DLC1: variants seen among roughly 807,000 people sequenced by gnomAD.
The protein encoded by DLC1 is DLC1 Rho GTPase activating protein, also known as rho GTPase-activating protein 7.
In DLC1, 54 loss-of-function variants were observed where a neutral mutation model predicts 140.3. That is an observed-to-expected ratio of 0.38 (90% confidence interval 0.31 to 0.48). DLC1 has a LOEUF of 0.48. Among genes scored for constraint, DLC1 ranks in the 20% least tolerant of loss-of-function variants. The probability of loss-of-function intolerance (pLI) is 0.96; values close to 1 mark genes in which losing one functional copy is unlikely to be tolerated. For missense variants in DLC1, 2,536 were observed against 1,907.0 expected (o/e 1.33, Z -6.14); for synonymous variants, 986 against 728.1 (o/e 1.35, Z -5.70).
intron 4 of DLC1, among the ~76,000 whole-genome samples, chr8:13,312,676 C>T (rs950294723): frequency 6.6e-6 from 1 of 151,970 alleles, no homozygotes; most frequent in Non-Finnish European, 1.5e-5. Context: ...TATTTAAGTA[C>T]TGCATATTAA....
chr8:13,570,983 T>C (rs1472974054), intron 1 of DLC1, among the ~76,000 whole-genome samples: 1 of 152,176 alleles, frequency 6.6e-6, no homozygotes, highest in Non-Finnish European at 1.5e-5. Context: ...AGGAGAGAAC[T>C]CACGGAATCA....
chr8:13,307,653 G>A (rs895636165), intron 4 of DLC1, among the ~76,000 whole-genome samples: 11 of 152,288 alleles, frequency 7.2e-5, no homozygotes, highest in African/African-American at 2.2e-4. Flanking sequence ...GTTGGTGACA[G>A]GTAATTAAAG....
At chr8:13,325,098 A>T (rs974565348) in intron 4 of DLC1, among the ~76,000 whole-genome samples, 6 of 152,216 alleles carry the variant, frequency 3.9e-5, no homozygotes, top group Non-Finnish European at 5.9e-5. Context: ...CACAACAGAG[A>T]GGTTTCTTTT....
intron 5 of DLC1, among the ~76,000 whole-genome samples, chr8:13,303,241 T>G (rs1832274595): frequency 6.6e-6 from 1 of 152,212 alleles, no homozygotes. Context: ...TTTGCTCAAA[T>G]CAGTCCATCC....
chr8:13,185,469 G>A lies in DLC1; in HGVS notation c.1349-69812C>T, dbSNP rs545063711. 7.9e-5 allele frequency among the ~76,000 whole-genome samples: 12 copies of A among 151,728 alleles called. No individual in the cohort carries two copies. The East Asian group carries it at 9.7e-4, about 12-fold the overall frequency. On this transcript the variant is annotated intron_variant, in intron 5 of 17. Coordinates refer to ENST00000276297, the MANE Select transcript of DLC1 (RefSeq NM_182643.3). ...ACTACAGGCGCCCGCCACCACGCCC[G>A]GCTAATTTTTTGTATTTTTAGTAGA...
chr8:13,294,537 A>G (rs1000629593), intron 5 of DLC1, among the ~76,000 whole-genome samples: 1 of 152,166 alleles, frequency 6.6e-6, no homozygotes, highest in African/African-American at 2.4e-5. Context: ...GTTAGGGTAG[A>G]TAATTTCTGG....
At chr8:13,532,203 G>A (rs1167346891) in intron 1 of DLC1, among the ~76,000 whole-genome samples, 2 of 152,146 alleles carry the variant, frequency 1.3e-5, no homozygotes, top group African/African-American at 4.8e-5. Flanking sequence ...CCAGGACGTT[G>A]AGGTTGCAGT....
intron 9 of DLC1, 104 bp from the exon 10 acceptor site, chr8:13,098,679 C>T: frequency 8.1e-7 from 1 of 1,228,264 alleles, no homozygotes; most frequent in Non-Finnish European, 1.1e-6. Context: ...GCAGTGGTGC[C>T]ATCACAGCTC....
chr8:13,242,450 C>T (rs1829581415), intron 5 of DLC1, among the ~76,000 whole-genome samples: 1 of 151,606 alleles, frequency 6.6e-6, no homozygotes, highest in Admixed American at 6.6e-5. Context: ...GGCTGGAGTG[C>T]AGTGGCATGA....
intron 2 of DLC1, among the ~76,000 whole-genome samples, chr8:13,492,258 T>C (rs1275361769): frequency 3.3e-5 from 5 of 152,056 alleles, no homozygotes; most frequent in African/African-American, 4.8e-5. Context: ...TGTTAAAAAA[T>C]AGCAATGATT....
Position 13,551,423 on chromosome 8 carries a change from C to T in DLC1, c.-125-51227G>A, listed in dbSNP as rs117641663. On this transcript the variant is annotated intron_variant, in intron 1 of 1. Transcript: ENST00000631382. ...ATTTCCATATCTCTGTTTCCTAAAA[C>T]TAATTTGCCTAAGAACGAGTCTATG... Among the ~76,000 whole-genome samples the T allele has an allele frequency of 1.4e-4, 22 of 152,122 alleles. No individual in the cohort carries two copies. In the East Asian group the frequency reaches 4.3e-3, roughly 29 times the overall value.
intron 5 of DLC1, among the ~76,000 whole-genome samples, chr8:13,193,289 A>G (rs892082709): frequency 1.3e-5 from 2 of 152,180 alleles, no homozygotes; most frequent in African/African-American, 4.8e-5. Flanking sequence ...TTTGAAGCCT[A>G]TCAGGGACAA....
intron 1 of DLC1, among the ~76,000 whole-genome samples, chr8:13,551,977 G>T (rs1803872522): frequency 6.9e-6 from 1 of 145,482 alleles, no homozygotes; most frequent in Admixed American, 7.0e-5. Flanking sequence ...GTATATGTGT[G>T]TGTGTGTATA....
rs370273468 is a variant in DLC1 at position 13,586,042 on chromosome 8, A to T, written c.-126+18495T>A. Among the ~76,000 whole-genome samples, 75 of 152,292 alleles carry T rather than the reference A, an allele frequency of 4.9e-4. 2 individuals carry two copies. In the South Asian group the frequency reaches 0.014, roughly 29 times the overall value. ...ACATTCAAGGGAATGATTCTCAACC[A>T]TGGCTGCACATTATAATTATCTTGG... On this transcript the variant is annotated intron_variant, in intron 1 of 1. Coordinates refer to the DLC1 transcript ENST00000631382.
chr8:13,578,177 C>A (rs58982897), intron 1 of DLC1, among the ~76,000 whole-genome samples: 5 of 152,150 alleles, frequency 3.3e-5, no homozygotes, highest in East Asian at 1.9e-4. Context: ...GCTGCTGCTC[C>A]GTACCAAGGA....
intron 4 of DLC1, among the ~76,000 whole-genome samples, chr8:13,369,265 T>C (rs1416944431): frequency 1.3e-5 from 2 of 151,940 alleles, no homozygotes; most frequent in Non-Finnish European, 2.9e-5. Flanking sequence ...TTGTTGAATT[T>C]GGTTGAACTT....
intron 1 of DLC1, among the ~76,000 whole-genome samples, chr8:13,509,099 A>G (rs1228566760): frequency 6.6e-6 from 1 of 152,166 alleles, no homozygotes; most frequent in African/African-American, 2.4e-5. Flanking sequence ...ATAAAAAGAT[A>G]TTTTTATTCA....
intron 5 of DLC1, among the ~76,000 whole-genome samples, chr8:13,165,617 A>G (rs943825629): frequency 6.6e-6 from 1 of 152,208 alleles, no homozygotes; most frequent in African/African-American, 2.4e-5. Flanking sequence ...TTTGGCCAGG[A>G]TCCCTGAAAT....
intron 15 of DLC1, among the ~76,000 whole-genome samples, chr8:13,089,549 CG>C (rs1232172938): frequency 6.6e-6 from 1 of 152,014 alleles, no homozygotes; most frequent in Non-Finnish European, 1.5e-5. Flanking sequence ...AGCTTGAAAC[CG>C]GGAGGCAGAG....
Sources: gnomAD v4.1 joint callset for allele counts (sites outside exome capture counted in the v4.1 genomes callset) on GRCh38, gnomAD v4.1.1 for gene constraint, MANE v1.5 for transcripts, NCBI Gene and HGNC (gene_info 2026-07-23, HGNC 2026-07-21) for gene names.